MAGI2: variants seen among roughly 807,000 people sequenced by gnomAD.
The protein encoded by MAGI2 is membrane associated guanylate kinase, WW and PDZ domain containing 2.
In MAGI2, 35 loss-of-function variants were observed where a neutral mutation model predicts 133.3. The observed-to-expected ratio is 0.26, with a 90% CI of 0.20 to 0.35. The LOEUF (loss-of-function observed/expected upper bound fraction) is 0.35. Among genes scored for constraint, MAGI2 ranks in the 10% least tolerant of loss-of-function variants. The pLI is 1.00. For synonymous variants in MAGI2, 729 were observed against 710.6 expected (o/e 1.03, Z -0.41); for missense variants, 1,636 against 1,863.4 (o/e 0.88, Z 2.25).
At chr7:79,211,149 T>C (rs943931251) in intron 1 of MAGI2, among the ~76,000 whole-genome samples, 1 of 152,110 alleles carries the variant, frequency 6.6e-6, no homozygotes, top group Non-Finnish European at 1.5e-5. Context: ...CATGTGTGAA[T>C]ATAGAAAATA....
intron 3 of MAGI2, among the ~76,000 whole-genome samples, chr7:78,604,726 G>A (rs1057006142): frequency 6.6e-6 from 1 of 152,166 alleles, no homozygotes; most frequent in African/African-American, 2.4e-5. Context: ...GGAAGTATAA[G>A]AAATGTATTT....
At chr7:78,414,623 C>A (rs1798140315) in intron 6 of MAGI2, among the ~76,000 whole-genome samples, 1 of 151,826 alleles carries the variant, frequency 6.6e-6, no homozygotes. Flanking sequence ...TGCTGTTGTA[C>A]ACATACATGA....
chr7:78,102,011 T>A (rs1261221115), intron 20 of MAGI2, among the ~76,000 whole-genome samples: 4 of 152,148 alleles, frequency 2.6e-5, no homozygotes, highest in Non-Finnish European at 4.4e-5. Context: ...TATATATGAA[T>A]GTAACTCAGA....
At position 78,573,365 on chromosome 7, in the gene MAGI2, A is replaced by AAAATATATATATATATAT. The variant is rs1320390413; in HGVS notation, c.539-51721_539-51720insATATATATATATATATTT. Among the ~76,000 whole-genome samples the AAAATATATATATATATAT allele has an allele frequency of 2.1e-3, 61 of 29,034 alleles. 5 individuals carry two copies. Among genetic ancestry groups the AAAATATATATATATATAT allele is most frequent in the African/African-American group, 5.9e-3 (32 of 5,412 alleles). 19.0% of individuals were successfully genotyped at this position (29,034 alleles called of 152,430 possible). ...ATATATAGAGAGAGAGAATCCTGGA[A>AAAATATATATATATATAT]ATATATATATATATATATATATATA... On this transcript the variant is annotated intron_variant, in intron 3 of 21. Coordinates refer to ENST00000354212, the MANE Select transcript of MAGI2 (RefSeq NM_012301.4).
intron 1 of MAGI2, among the ~76,000 whole-genome samples, chr7:79,298,361 G>A (rs905089307): frequency 6.6e-6 from 1 of 152,046 alleles, no homozygotes; most frequent in Non-Finnish European, 1.5e-5. Flanking sequence ...GTCACTTGGT[G>A]GCAGCATAAC....
At chr7:78,764,587 C>G (rs990695399) in intron 2 of MAGI2, among the ~76,000 whole-genome samples, 3 of 152,218 alleles carry the variant, frequency 2.0e-5, no homozygotes, top group Non-Finnish European at 4.4e-5. Flanking sequence ...TTCTTCCTCT[C>G]TGACAATTCA....
chr7:79,308,431 C>T (rs1002532809), intron 1 of MAGI2, among the ~76,000 whole-genome samples: 3 of 152,122 alleles, frequency 2.0e-5, no homozygotes, highest in Non-Finnish European at 2.9e-5. Flanking sequence ...GAAGCATGAG[C>T]GAGTTCAATA....
chr7:78,274,984 C>A (rs1794922539), intron 9 of MAGI2, among the ~76,000 whole-genome samples: 1 of 145,554 alleles, frequency 6.9e-6, no homozygotes, highest in African/African-American at 2.5e-5. Context: ...CCACGTTCCA[C>A]TGGGGTATGA....
intron 3 of MAGI2, among the ~76,000 whole-genome samples, chr7:78,622,418 A>G (rs1038476584): frequency 5.3e-5 from 8 of 152,058 alleles, no homozygotes; most frequent in Admixed American, 3.9e-4. Context: ...TGACCTAAAC[A>G]CTGCAGAAGG....
intron 2 of MAGI2, among the ~76,000 whole-genome samples, chr7:78,953,711 A>T (rs970156941): frequency 3.3e-5 from 5 of 152,112 alleles, no homozygotes; most frequent in African/African-American, 1.2e-4. Flanking sequence ...TGCTTTAAAA[A>T]CAACAGCTCT....
At chr7:79,395,463 G>C (rs1844979120) in intron 1 of MAGI2, among the ~76,000 whole-genome samples, 1 of 152,162 alleles carries the variant, frequency 6.6e-6, no homozygotes, top group Admixed American at 6.5e-5. Context: ...CGTGATATAA[G>C]AGGAACAGAA....
intron 1 of MAGI2, among the ~76,000 whole-genome samples, chr7:79,435,007 G>A (rs771080090): frequency 5.9e-5 from 9 of 152,164 alleles, no homozygotes; most frequent in Non-Finnish European, 8.8e-5. Flanking sequence ...TTGAATTGAA[G>A]CATCAGCTCT....
At chr7:79,053,963 G>A (rs565346545) in intron 1 of MAGI2, among the ~76,000 whole-genome samples, 1 of 152,278 alleles carries the variant, frequency 6.6e-6, no homozygotes, top group East Asian at 1.9e-4. Context: ...TTAGGAGGCT[G>A]AGGTGGGTGG....
At chr7:78,316,365 T>A (rs1787409815) in intron 9 of MAGI2, among the ~76,000 whole-genome samples, 1 of 152,196 alleles carries the variant, frequency 6.6e-6, no homozygotes, top group South Asian at 2.1e-4. Flanking sequence ...TCCTCTCCTT[T>A]ATATTGAAGG....
intron 3 of MAGI2, chr7:78,618,322 T>C (rs1201228815): frequency 6.6e-6 from 1 of 151,672 alleles, no homozygotes; most frequent in Admixed American, 6.6e-5. Flanking sequence ...TTGAAAGTCA[T>C]GGAGTTGTCA....
intron 2 of MAGI2, among the ~76,000 whole-genome samples, chr7:78,750,061 G>A (rs906582103): frequency 6.6e-6 from 1 of 152,072 alleles, no homozygotes; most frequent in African/African-American, 2.4e-5. Flanking sequence ...GCCCTGGTAT[G>A]TGATGTTCCC....
intron 9 of MAGI2, among the ~76,000 whole-genome samples, chr7:78,302,016 CAT>C (rs1797874145): frequency 1.3e-5 from 2 of 152,130 alleles, no homozygotes; most frequent in Non-Finnish European, 2.9e-5. Context: ...GGGTCTGGCA[CAT>C]AGAGTGCTAG....
intron 1 of MAGI2, among the ~76,000 whole-genome samples, chr7:79,066,010 G>A (rs924529972): frequency 7.9e-5 from 12 of 151,994 alleles, no homozygotes; most frequent in African/African-American, 1.9e-4. Context: ...GAACAGTCCC[G>A]CAGTAAACAT....
At chr7:78,711,316 T>C (rs1159444779) in intron 2 of MAGI2, among the ~76,000 whole-genome samples, 1 of 152,020 alleles carries the variant, frequency 6.6e-6, no homozygotes, top group Non-Finnish European at 1.5e-5. Context: ...ATAATAGTAA[T>C]AATAAGGTAA....
Sources: gnomAD v4.1 joint callset for allele counts (sites outside exome capture counted in the v4.1 genomes callset) on GRCh38, gnomAD v4.1.1 for gene constraint, MANE v1.5 for transcripts, NCBI Gene and HGNC (gene_info 2026-07-23, HGNC 2026-07-21) for gene names.